The following ARMC8 variants were observed in gnomAD, a reference collection of about 807,000 sequenced individuals.
ARMC8 encodes the protein armadillo repeat-containing protein 8.
In ARMC8, 20 loss-of-function variants were observed where a neutral mutation model predicts 99.3. The ratio of observed to expected loss-of-function variants is 0.20; its 90% CI spans 0.14 to 0.29. The LOEUF is 0.29. ARMC8 is among the 10% of genes least tolerant of loss of function. The pLI is 1.00. For synonymous variants in ARMC8, 263 were observed against 278.3 expected (o/e 0.95, Z 0.55); for missense variants, 569 against 809.5 (o/e 0.70, Z 3.60).
At chr3:138,275,625 G>T (rs1256988304) in intron 18 of ARMC8, among the ~76,000 whole-genome samples, 1 of 152,040 alleles carries the variant, frequency 6.6e-6, no homozygotes, top group East Asian at 1.9e-4. Flanking sequence ...CTCGCCCAAG[G>T]TCATCAGTAG....
intron 6 of ARMC8, 47 bp downstream of exon 6, chr3:138,229,057 C>T (rs1444583332): frequency 2.4e-5 from 34 of 1,390,318 alleles, no homozygotes; most frequent in Middle Eastern, 1.9e-4. Flanking sequence ...TCTTATTATG[C>T]CTTTAAGAGA....
intron 15 of ARMC8, among the ~76,000 whole-genome samples, chr3:138,267,643 A>G (rs189812439): frequency 4.6e-5 from 7 of 152,340 alleles, no homozygotes; most frequent in Admixed American, 3.3e-4. Flanking sequence ...GTCATTGGAA[A>G]ATCATCTTTT....
At chr3:138,281,074 T>C (rs544586802) in intron 18 of ARMC8, among the ~76,000 whole-genome samples, 1 of 152,338 alleles carries the variant, frequency 6.6e-6, no homozygotes, top group Non-Finnish European at 1.5e-5. Flanking sequence ...CAAGTAGATA[T>C]GGCTGTCTTC....
At chr3:138,240,305 C>T (rs1440319258) in intron 10 of ARMC8, among the ~76,000 whole-genome samples, 1 of 152,072 alleles carries the variant, frequency 6.6e-6, no homozygotes, top group African/African-American at 2.4e-5. Context: ...AAAAGGTGAT[C>T]CCAAGGATAA....
At chr3:138,232,268 G>A (rs1028124486) in intron 6 of ARMC8, among the ~76,000 whole-genome samples, 8 of 151,968 alleles carry the variant, frequency 5.3e-5, no homozygotes, top group African/African-American at 1.7e-4. Context: ...GAGCCACTGC[G>A]TCTAGCCCCT....
intron 14 of ARMC8, 39 bp downstream of exon 14, chr3:138,264,251 A>G (rs1221021217): frequency 6.5e-6 from 10 of 1,526,850 alleles, no homozygotes; most frequent in Non-Finnish European, 9.1e-6. Flanking sequence ...CTGTACTCAC[A>G]GACCCTAGAG....
chr3:138,246,962 T>C, intron 12 of ARMC8: 1 of 638,298 alleles, frequency 1.6e-6, no homozygotes, highest in Non-Finnish European at 2.0e-6. Context: ...AAGGAAGATA[T>C]TTAATTTCTG....
intron 1 of ARMC8, among the ~76,000 whole-genome samples, chr3:138,190,096 G>T (rs1311815019): frequency 6.6e-6 from 1 of 151,900 alleles, no homozygotes; most frequent in Non-Finnish European, 1.5e-5. Flanking sequence ...CTACCACAGC[G>T]TCCTTTTAAT....
Position 138,270,146 on chromosome 3 carries a change from T to TTA in ARMC8, c.1479+22_1479+23dup. 2 of 1,542,904 alleles carry TTA rather than the reference T, an allele frequency of 1.3e-6. No homozygotes were observed. On this transcript the variant is annotated intron_variant, in intron 16 of 21. Transcript: ENST00000469044. The stretch of plus-strand genomic sequence containing the variant: ...TGGGCTTTAATGGTACGTTTCACTT[T>TTA]TATATATATCATAACTTACAAAAGG...
chr3:138,286,544 C>T (rs1297073961), intron 19 of ARMC8, among the ~76,000 whole-genome samples: 1 of 152,206 alleles, frequency 6.6e-6, no homozygotes, highest in East Asian at 1.9e-4. Context: ...TTCTCTTCTA[C>T]ACGTGCTCTC....
chr3:138,229,370 A>C (rs2045920312), intron 6 of ARMC8, among the ~76,000 whole-genome samples: 1 of 141,692 alleles, frequency 7.1e-6, no homozygotes, highest in African/African-American at 2.6e-5. Flanking sequence ...ATAGTATTTT[A>C]GTGTGTAGAT....
At chr3:138,273,219 A>C (rs2108307047) in intron 17 of ARMC8, 103 bp downstream of exon 17, 2 of 1,197,762 alleles carry the variant, frequency 1.7e-6, no homozygotes, top group Admixed American at 2.5e-5. Context: ...CATGAGTGTG[A>C]TTCAAATGCT....
At chr3:138,247,273 A>G (rs2046925147) in intron 12 of ARMC8, among the ~76,000 whole-genome samples, 1 of 152,114 alleles carries the variant, frequency 6.6e-6, no homozygotes, top group African/African-American at 2.4e-5. Context: ...TTTTTTGTGT[A>G]GATCCTTAAA....
intron 7 of ARMC8, among the ~76,000 whole-genome samples, chr3:138,237,005 G>A (rs2046367788): frequency 6.6e-6 from 1 of 152,014 alleles, no homozygotes; most frequent in Non-Finnish European, 1.5e-5. Context: ...TTGTTACTAA[G>A]TTCTCTTTGT....
In ARMC8 at chr3:138,262,193, G is replaced by C. The variant is rs926084552; in HGVS notation, c.1135-1546G>C. ...CAGGACATCCATGCCAGGGGGAAAA[G>C]ATATGAGGGAGTCACAAAGAGTAGG... On this transcript the variant is annotated intron_variant, in intron 12 of 21. Coordinates refer to ENST00000469044, the MANE Select transcript of ARMC8 (RefSeq NM_001363941.2). The C allele has an allele frequency of 3.7e-5, 7 of 189,876 alleles. No individual in the cohort carries two copies. In the East Asian group the frequency reaches 3.9e-4, roughly 11 times the overall value. The allele number at this position is 189,876 out of a possible 1,614,324, so 11.8% of individuals were successfully genotyped here.
At chr3:138,229,212 A>ATGT (rs2045909651) in intron 6 of ARMC8, among the ~76,000 whole-genome samples, 1 of 134,902 alleles carries the variant, frequency 7.4e-6, no homozygotes, top group Non-Finnish European at 1.6e-5. Flanking sequence ...GTATATATAA[A>ATGT]ATATATATAT....
In ARMC8 at chr3:138,188,173, C is replaced by T. The variant is rs182540449; in HGVS notation, c.45+574C>T. On this transcript the variant is annotated intron_variant, in intron 1 of 21. Coordinates refer to ENST00000469044, the MANE Select transcript of ARMC8 (RefSeq NM_001363941.2). ...GTGATTCGTATCAGCTGCAACTCTT[C>T]CTAGTGTGTGTGGTTTTTTAAGCCC... is the stretch of plus-strand genomic sequence containing the variant. 4.8e-4 allele frequency: 144 copies of T among 301,714 alleles called. 2 individuals carry two copies. In the East Asian group the frequency reaches 7.1e-3, roughly 15 times the overall value. The allele number at this position is 301,714 out of a possible 1,614,324, so 18.7% of individuals were successfully genotyped here.
intron 1 of ARMC8, among the ~76,000 whole-genome samples, chr3:138,200,175 G>A (rs1455546165): frequency 1.3e-5 from 2 of 152,148 alleles, no homozygotes; most frequent in African/African-American, 4.8e-5. Flanking sequence ...AAAGGAGAAA[G>A]GCATGAAGCT....
At chr3:138,268,602 C>T (rs2048497320) in intron 15 of ARMC8, among the ~76,000 whole-genome samples, 1 of 152,016 alleles carries the variant, frequency 6.6e-6, no homozygotes, top group Admixed American at 6.6e-5. Flanking sequence ...CATAGCAAGA[C>T]CTTGTCTCTA....
Sources: gnomAD v4.1 joint callset for allele counts (sites outside exome capture counted in the v4.1 genomes callset) on GRCh38, gnomAD v4.1.1 for gene constraint, MANE v1.5 for transcripts, NCBI Gene and HGNC (gene_info 2026-07-23, HGNC 2026-07-21) for gene names.